The following SEMA3E variants were observed in gnomAD, a reference collection of about 807,000 sequenced individuals.
SEMA3E encodes the protein semaphorin-3E.
SEMA3E carries 49 observed loss-of-function variants against 93.6 expected under a neutral mutation model. That is an observed-to-expected ratio of 0.52 (90% CI 0.42 to 0.66). The LOEUF is 0.66. SEMA3E is among the 30% of genes least tolerant of loss of function. The probability of loss-of-function intolerance (pLI) is 0.00; values close to 1 mark genes in which losing one functional copy is unlikely to be tolerated. For missense variants in SEMA3E, 906 were observed against 964.8 expected (o/e 0.94, Z 0.81); for synonymous variants, 363 against 330.7 (o/e 1.10, Z -1.06).
At chr7:83,424,867 G>A (rs966991709) in intron 4 of SEMA3E, 2 of 252,264 alleles carry the variant, frequency 7.9e-6, no homozygotes, top group Non-Finnish European at 1.6e-5. Context: ...GAAGATGGAG[G>A]AATGGGGCCC....
At position 83,386,906 on chromosome 7, in the gene SEMA3E, C is replaced by T. The variant is rs558923770; in HGVS notation, c.1735+77G>A. 2.2e-5 allele frequency: 27 copies of T among 1,250,418 alleles called. No individual in the cohort carries two copies. In the East Asian group the frequency reaches 4.9e-4, roughly 23 times the overall value. 77.5% of individuals were successfully genotyped at this position (1,250,418 alleles called of 1,614,324 possible). ...ACATGAATCACAAAGAAAAAAAGGACTCTTTTTAAGAAGTTTGTAGTTTAT... is the reference window on the plus strand; with the variant it reads ...ACATGAATCACAAAGAAAAAAAGGATTCTTTTTAAGAAGTTTGTAGTTTAT... On this transcript the variant is annotated intron_variant, in intron 15 of 16. Coordinates refer to ENST00000643230, the MANE Select transcript of SEMA3E (RefSeq NM_012431.3).
intron 1 of SEMA3E, among the ~76,000 whole-genome samples, chr7:83,622,574 T>G (rs1290290046): frequency 6.6e-6 from 1 of 151,990 alleles, no homozygotes; most frequent in South Asian, 2.1e-4. Context: ...AGACATGGAA[T>G]CAACCCAAAT....
intron 11 of SEMA3E, among the ~76,000 whole-genome samples, chr7:83,399,571 A>G (rs1250680311): frequency 1.3e-5 from 2 of 152,220 alleles, no homozygotes; most frequent in Admixed American, 1.3e-4. Flanking sequence ...GGAAACTGAC[A>G]GAACTATTCT....
intron 16 of SEMA3E, among the ~76,000 whole-genome samples, chr7:83,378,246 T>A (rs576245962): frequency 1.3e-5 from 2 of 152,060 alleles, no homozygotes; most frequent in East Asian, 3.9e-4. Flanking sequence ...CATAAATGAA[T>A]CATTTTATTT....
At chr7:83,504,612 C>T (rs1790658011) in intron 1 of SEMA3E, among the ~76,000 whole-genome samples, 1 of 152,152 alleles carries the variant, frequency 6.6e-6, no homozygotes, top group Non-Finnish European at 1.5e-5. Flanking sequence ...GACTTTCTTT[C>T]ACAAAAAGTT....
At chr7:83,393,338 A>G (rs761214132) in intron 13 of SEMA3E, among the ~76,000 whole-genome samples, 1 of 152,102 alleles carries the variant, frequency 6.6e-6, no homozygotes, top group African/African-American at 2.4e-5. Context: ...GTTTGAGACC[A>G]GCCTGGGCAA....
At chr7:83,450,392 TTG>T (rs1789333710) in intron 4 of SEMA3E, among the ~76,000 whole-genome samples, 1 of 133,094 alleles carries the variant, frequency 7.5e-6, no homozygotes, top group Admixed American at 8.6e-5. Context: ...GGAAAGTAAA[TTG>T]TGTTATATCC....
At chr7:83,527,266 C>T (rs528779228) in intron 1 of SEMA3E, among the ~76,000 whole-genome samples, 1 of 152,240 alleles carries the variant, frequency 6.6e-6, no homozygotes, top group Admixed American at 6.5e-5. Flanking sequence ...CTTCCAGCCT[C>T]AAGGACTGTG....
chr7:83,634,928 T>TTGAAAAAAGTTCTTTCTCTTTATAATTTA (rs1793853473), intron 1 of SEMA3E, among the ~76,000 whole-genome samples: 1 of 152,058 alleles, frequency 6.6e-6, no homozygotes, highest in African/African-American at 2.4e-5. Flanking sequence ...ACATTTGACT[T>TTGAAAAAAGTTCTTTCTCTTTATAATTTA]TGAAAAAAGT....
intron 9 of SEMA3E, among the ~76,000 whole-genome samples, chr7:83,403,283 C>CT (rs1788265565): frequency 1.3e-5 from 2 of 151,940 alleles, no homozygotes; most frequent in South Asian, 2.1e-4. Flanking sequence ...AAAATTTAGG[C>CT]TTTTTTCCAT....
At chr7:83,430,891 T>G (rs918042353) in intron 4 of SEMA3E, among the ~76,000 whole-genome samples, 5 of 152,052 alleles carry the variant, frequency 3.3e-5, no homozygotes, top group Non-Finnish European at 7.4e-5. Flanking sequence ...AATTAAAATG[T>G]TATACGAAAC....
chr7:83,399,618 T>C (rs1309056993), intron 11 of SEMA3E, among the ~76,000 whole-genome samples: 5 of 152,224 alleles, frequency 3.3e-5, no homozygotes, highest in South Asian at 2.1e-4. Flanking sequence ...AGAACTTCTA[T>C]TGGAAACCAA....
At chr7:83,417,944 AAG>A (rs951934022) in intron 5 of SEMA3E, among the ~76,000 whole-genome samples, 4 of 152,152 alleles carry the variant, frequency 2.6e-5, no homozygotes, top group African/African-American at 9.7e-5. Flanking sequence ...AAGTTCTCAA[AAG>A]AGATGAGTTT....
chr7:83,625,612 C>T (rs1201071472), intron 1 of SEMA3E, among the ~76,000 whole-genome samples: 3 of 152,056 alleles, frequency 2.0e-5, no homozygotes, highest in Admixed American at 6.6e-5. Flanking sequence ...TGAGCTGAGA[C>T]GATGGGGTTT....
At chr7:83,562,116 C>G (rs531178671) in intron 1 of SEMA3E, among the ~76,000 whole-genome samples, 341 of 152,210 alleles carry the variant, frequency 2.2e-3, no homozygotes, top group Non-Finnish European at 3.9e-3. Context: ...AAATGAAAAC[C>G]TTTCAAAGGA....
At chr7:83,393,771 T>A (rs1285551972) in intron 13 of SEMA3E, among the ~76,000 whole-genome samples, 4 of 152,184 alleles carry the variant, frequency 2.6e-5, no homozygotes, top group African/African-American at 9.7e-5. Flanking sequence ...ACCAAACTGA[T>A]TTCAGTGAAG....
At chr7:83,635,791 A>G (rs1388275673) in intron 1 of SEMA3E, among the ~76,000 whole-genome samples, 2 of 151,880 alleles carry the variant, frequency 1.3e-5, no homozygotes, top group East Asian at 3.9e-4. Context: ...CCTTCTCACT[A>G]TGTTACTACC....
chr7:83,477,346 G>C (rs1424723051), intron 2 of SEMA3E, among the ~76,000 whole-genome samples: 1 of 151,900 alleles, frequency 6.6e-6, no homozygotes, highest in East Asian at 1.9e-4. Flanking sequence ...TTACATCTAT[G>C]TGTGGCACCA....
At chr7:83,464,717 C>T (rs200561402) in intron 4 of SEMA3E, among the ~76,000 whole-genome samples, 39,751 of 99,506 alleles carry the variant, frequency 0.4, 9,059 homozygotes, top group East Asian at 0.81. Flanking sequence ...TTCTATACGA[C>T]AAATGTTTCT....
Sources: gnomAD v4.1 joint callset for allele counts (sites outside exome capture counted in the v4.1 genomes callset) on GRCh38, gnomAD v4.1.1 for gene constraint, MANE v1.5 for transcripts, NCBI Gene and HGNC (gene_info 2026-07-23, HGNC 2026-07-21) for gene names.